ABI3BP: variants seen among roughly 807,000 people sequenced by gnomAD.
The protein encoded by ABI3BP is target of Nesh-SH3.
ABI3BP carries 216 observed loss-of-function variants against 268.6 expected under a neutral mutation model. That is an observed-to-expected ratio of 0.80 (90% confidence interval 0.72 to 0.90). ABI3BP has a LOEUF of 0.90. Among genes scored for constraint, ABI3BP ranks in the 40% least tolerant of loss-of-function variants. The pLI, the probability that ABI3BP is intolerant of heterozygous loss-of-function variation, is 0.00. For synonymous variants in ABI3BP, 730 were observed against 730.0 expected (o/e 1.00, Z 0.00); for missense variants, 2,090 against 2,182.4 (o/e 0.96, Z 0.84).
intron 4 of ABI3BP, among the ~76,000 whole-genome samples, chr3:100,897,344 T>C (rs899023755): frequency 1.3e-5 from 2 of 152,070 alleles, no homozygotes; most frequent in African/African-American, 2.4e-5. Context: ...TAAGAGAAAT[T>C]AAAATGTCCA....
intron 52 of ABI3BP, 55 bp from the exon 53 acceptor site, chr3:100,795,906 G>A: frequency 8.4e-7 from 1 of 1,196,410 alleles, no homozygotes; most frequent in South Asian, 1.4e-5. Context: ...ACCTGGCAAA[G>A]TCAAAATAGT....
At chr3:100,874,817 C>A (rs750992621) in intron 9 of ABI3BP, 24 bp downstream of exon 9, 2 of 1,462,260 alleles carry the variant, frequency 1.4e-6, no homozygotes, top group South Asian at 1.2e-5. Context: ...CTGCAAAGTT[C>A]AAATACAAAA....
intron 53 of ABI3BP, among the ~76,000 whole-genome samples, chr3:100,795,479 T>C (rs2097318197): frequency 6.6e-6 from 1 of 152,080 alleles, no homozygotes; most frequent in South Asian, 2.1e-4. Flanking sequence ...CACATACTAG[T>C]ATGTTACATT....
At chr3:100,946,771 A>G (rs1273944643) in intron 1 of ABI3BP, among the ~76,000 whole-genome samples, 5 of 151,688 alleles carry the variant, frequency 3.3e-5, no homozygotes, top group African/African-American at 4.8e-5. Context: ...CTGGGCAACA[A>G]GAGTGAAACT....
At chr3:100,754,760 T>C (rs532857303) in intron 63 of ABI3BP, 69 bp from the exon 64 acceptor site, 12 of 1,234,192 alleles carry the variant, frequency 9.7e-6, no homozygotes, top group Middle Eastern at 1.9e-4. Flanking sequence ...ATTGCCCTAT[T>C]ATACGGACAT....
At chr3:100,953,929 G>A (rs536106714) in intron 1 of ABI3BP, among the ~76,000 whole-genome samples, 3 of 152,132 alleles carry the variant, frequency 2.0e-5, no homozygotes, top group Non-Finnish European at 2.9e-5. Flanking sequence ...TTGGAAACTC[G>A]GAGTTGGGAG....
Position 100,926,328 on chromosome 3 carries a change from T to C in ABI3BP, c.233A>G (p.Glu78Gly). 6.2e-7 allele frequency: 1 copy of C among 1,613,428 alleles called. No individual in the cohort carries two copies. Among genetic ancestry groups the C allele is most frequent in the Non-Finnish European group, 8.5e-7 (1 of 1,179,566 alleles). The change falls in exon 2 of 68, where the codon GAA (glutamate) becomes GGA (glycine). Residue 78 changes from glutamate (E) to glycine (G), a missense_variant. Physicochemically the swap from Glu to Gly is moderately conservative, Grantham distance 98. Transcript: ENST00000471714. ...SPNQYFPLPA[E>G]GKFTEAIVDA... is the part of the protein sequence containing the mutation. The stretch of plus-strand genomic sequence containing the variant: ...AACTATAGCTTCTGTGAATTTCCCT[T>C]CAGCGGGAAGAGGGAAGTACTGGTT...
chr3:100,757,830 TA>T (rs559302808), intron 63 of ABI3BP, among the ~76,000 whole-genome samples: 16 of 150,300 alleles, frequency 1.1e-4, no homozygotes, highest in Middle Eastern at 3.4e-3. Flanking sequence ...GACAAAATGG[TA>T]AAAAAAAAAT....
intron 6 of ABI3BP, among the ~76,000 whole-genome samples, chr3:100,877,860 C>G (rs1380716949): frequency 6.6e-6 from 1 of 152,152 alleles, no homozygotes; most frequent in Non-Finnish European, 1.5e-5. Flanking sequence ...GGGCAAACAC[C>G]TGGTAGTGAG....
At chr3:100,811,114 C>T in intron 48 of ABI3BP, 116 bp downstream of exon 48, 1 of 805,840 alleles carries the variant, frequency 1.2e-6, no homozygotes, top group Non-Finnish European at 1.8e-6. Flanking sequence ...AAGTAACTGC[C>T]ATGGCGAAGA....
intron 14 of ABI3BP, among the ~76,000 whole-genome samples, chr3:100,852,243 G>A (rs1383296922): frequency 1.3e-5 from 2 of 152,178 alleles, no homozygotes; most frequent in African/African-American, 4.8e-5. Context: ...AAATCAAAGA[G>A]CTGCAAAGAG....
At chr3:100,761,936 A>G (rs2149550955) in intron 63 of ABI3BP, among the ~76,000 whole-genome samples, 1 of 152,358 alleles carries the variant, frequency 6.6e-6, no homozygotes, top group Non-Finnish European at 1.5e-5. Context: ...TAATTCTTTC[A>G]GAAGCTTTGA....
rs761603316 is a variant in ABI3BP, at chr3:100,765,829, C to CTGGTGGCTTACCTCGTGTT, written c.4843_4850+11dup. 3 of 1,577,522 alleles carry CTGGTGGCTTACCTCGTGTT rather than the reference C, an allele frequency of 1.9e-6. No individual in the cohort carries two copies. In the Admixed American group the frequency reaches 5.2e-5, roughly 27 times the overall value. On this transcript the variant is annotated intron_variant, in intron 63 of 67. Coordinates refer to ENST00000471714, the MANE Select transcript of ABI3BP (RefSeq NM_001375547.2). ...CTCTCAGAATTTACCTGGAATAGCA[C>CTGGTGGCTTACCTCGTGTT]TGGTGGCTTACCTCGTGTTTGGTTT...
At chr3:100,943,819 CTTT>C (rs2070737910) in intron 1 of ABI3BP, among the ~76,000 whole-genome samples, 1 of 151,990 alleles carries the variant, frequency 6.6e-6, no homozygotes, top group Non-Finnish European at 1.5e-5. Flanking sequence ...TAATCAGCCT[CTTT>C]TGATTGTACT....
intron 1 of ABI3BP, among the ~76,000 whole-genome samples, chr3:100,975,063 G>A (rs917285890): frequency 1.3e-5 from 2 of 152,194 alleles, no homozygotes; most frequent in African/African-American, 4.8e-5. Flanking sequence ...AAGTTAATTT[G>A]ATAAGAGGTT....
chr3:100,897,093 C>T (rs995825926), intron 4 of ABI3BP, among the ~76,000 whole-genome samples: 4 of 44,802 alleles, frequency 8.9e-5, no homozygotes, highest in Admixed American at 3.1e-4. Flanking sequence ...CCAAAAAGCA[C>T]ATTAAGAAGT....
In ABI3BP at chr3:100,801,036, T is replaced by A. The variant is rs115871523; in HGVS notation, c.3757+3756A>T. On this transcript the variant is annotated intron_variant, in intron 51 of 67. Transcript: ENST00000471714. ...ACTGTGTTGGGTGGTAGAGATTATATCTAATTCTTTTAATCCTGATTTTAT... is the reference window on the plus strand; with the variant it reads ...ACTGTGTTGGGTGGTAGAGATTATAACTAATTCTTTTAATCCTGATTTTAT... Among the ~76,000 whole-genome samples, 661 of 152,304 alleles carry A rather than the reference T, an allele frequency of 4.3e-3. 5 individuals are homozygous for A. The highest frequency in any genetic ancestry group is 0.013 in the African/African-American group (528 of 41,570).
At chr3:100,945,192 A>C (rs2071521524) in intron 1 of ABI3BP, among the ~76,000 whole-genome samples, 1 of 152,198 alleles carries the variant, frequency 6.6e-6, no homozygotes, top group Non-Finnish European at 1.5e-5. Context: ...AGGAAACACT[A>C]ATAATTTCCA....
chr3:100,825,657 T>C, intron 35 of ABI3BP, 128 bp downstream of exon 35: 1 of 754,898 alleles, frequency 1.3e-6, no homozygotes, highest in Non-Finnish European at 2.2e-6. Context: ...AGTTGAATGG[T>C]CACAGGCAGT....
Sources: gnomAD v4.1 joint callset for allele counts (sites outside exome capture counted in the v4.1 genomes callset) on GRCh38, gnomAD v4.1.1 for gene constraint, MANE v1.5 for transcripts, NCBI Gene and HGNC (gene_info 2026-07-23, HGNC 2026-07-21) for gene names.